The following SUMF1 variants were observed in gnomAD, a reference collection of about 807,000 sequenced individuals.
SUMF1 encodes the protein formylglycine-generating enzyme.
Under a neutral mutation model 47.6 loss-of-function variants are expected in SUMF1, and 48 were observed. The ratio of observed to expected loss-of-function variants is 1.01; its 90% CI spans 0.80 to 1.28. The LOEUF is 1.28. Ranked by LOEUF, SUMF1 falls within the 50% of genes most tolerant of loss-of-function variation. SUMF1 has a pLI of 0.00. For missense variants in SUMF1, 571 were observed against 485.4 expected, an observed-to-expected ratio of 1.18 and a Z score of -1.66; for synonymous variants, 230 against 192.1, an observed-to-expected ratio of 1.20 and a Z score of -1.63.
At chr3:4,115,776 A>G (rs1693408784) in intron 8 of SUMF1, among the ~76,000 whole-genome samples, 1 of 152,104 alleles carries the variant, frequency 6.6e-6, no homozygotes, top group Non-Finnish European at 1.5e-5. Flanking sequence ...CTTATGTTTT[A>G]TTCTCAATAT....
At chr3:4,175,922 C>G (rs1694949897) in intron 8 of SUMF1, among the ~76,000 whole-genome samples, 1 of 151,740 alleles carries the variant, frequency 6.6e-6, no homozygotes, top group Non-Finnish European at 1.5e-5. Flanking sequence ...TTTGATAAAG[C>G]GGAAGAAAGG....
chr3:4,353,327 AC>A (rs1300687556), intron 8 of SUMF1, among the ~76,000 whole-genome samples: 3 of 152,174 alleles, frequency 2.0e-5, no homozygotes, highest in Non-Finnish European at 4.4e-5. Flanking sequence ...ATCTCCGCTC[AC>A]TGCAAACTCC....
chr3:4,428,617 G>A (rs1278309323), intron 3 of SUMF1, among the ~76,000 whole-genome samples: 1 of 152,144 alleles, frequency 6.6e-6, no homozygotes, highest in African/African-American at 2.4e-5. Context: ...GCCTCCCAAA[G>A]TGCTGGGATT....
At chr3:4,379,369 AACACAGAGAAGTCT>A (rs535398029) in intron 7 of SUMF1, among the ~76,000 whole-genome samples, 204 of 152,308 alleles carry the variant, frequency 1.3e-3, no homozygotes, top group Non-Finnish European at 2.3e-3. Flanking sequence ...TGCACAGAGG[AACACAGAGAAGTCT>A]ATGTGGTGAT....
intron 8 of SUMF1, among the ~76,000 whole-genome samples, chr3:4,199,417 ATAAG>A (rs1366986584): frequency 1.3e-5 from 2 of 152,116 alleles, no homozygotes; most frequent in African/African-American, 4.8e-5. Flanking sequence ...TTGAGGTATT[ATAAG>A]TAAGATGAAC....
chr3:4,196,454 G>T (rs1695431974), intron 8 of SUMF1, among the ~76,000 whole-genome samples: 1 of 152,016 alleles, frequency 6.6e-6, no homozygotes, highest in Admixed American at 6.6e-5. Flanking sequence ...TTTCTGGAAG[G>T]AGTTGCAGTC....
chr3:4,415,474 T>C (rs1701682627), intron 6 of SUMF1, among the ~76,000 whole-genome samples: 1 of 152,152 alleles, frequency 6.6e-6, no homozygotes. Context: ...AAAAGTTTTC[T>C]AACCTTTGAC....
chr3:4,163,995 A>G (rs1694642747), intron 8 of SUMF1, among the ~76,000 whole-genome samples: 1 of 152,142 alleles, frequency 6.6e-6, no homozygotes, highest in Non-Finnish European at 1.5e-5. Flanking sequence ...ACCACTGGCT[A>G]TTTGATGAAT....
intron 8 of SUMF1, among the ~76,000 whole-genome samples, chr3:4,151,572 C>T (rs1462709772): frequency 1.4e-5 from 2 of 146,786 alleles, no homozygotes; most frequent in Non-Finnish European, 3.0e-5. Flanking sequence ...CACACACACA[C>T]ACACACACAC....
rs552933733 is a variant in SUMF1, at chr3:4,186,440, T to C, written c.1015-117695A>G. On this transcript the variant is annotated intron_variant and NMD_transcript_variant, in intron 8 of 12. Transcript: ENST00000448413. ...CATACAGTGGCTTATCATAATATGCTCTTTAACCCTACACAAATTCAAATA... is the reference window on the plus strand; with the variant it reads ...CATACAGTGGCTTATCATAATATGCCCTTTAACCCTACACAAATTCAAATA... 9.2e-5 allele frequency among the ~76,000 whole-genome samples: 14 copies of C among 152,240 alleles called. No individual in the cohort carries two copies. The South Asian group carries it at 2.7e-3, about 29-fold the overall frequency.
intron 8 of SUMF1, among the ~76,000 whole-genome samples, chr3:4,304,479 G>C (rs537687771): frequency 6.6e-6 from 1 of 152,298 alleles, no homozygotes; most frequent in African/African-American, 2.4e-5. Context: ...TGGCCTGAGC[G>C]TTACCCAAGG....
At chr3:4,068,240 G>C (rs1695424975) in intron 9 of SUMF1, among the ~76,000 whole-genome samples, 1 of 152,072 alleles carries the variant, frequency 6.6e-6, no homozygotes, top group South Asian at 2.1e-4. Context: ...AATTCAAAGA[G>C]CTTTATTAGC....
rs905469437 is a variant in SUMF1 at position 4,297,159 on chromosome 3, T to G, written c.1014+79171A>C. Among the ~76,000 whole-genome samples, 3 of 152,264 alleles carry G rather than the reference T, an allele frequency of 2.0e-5. No individual in the cohort carries two copies. The South Asian group carries it at 6.2e-4, about 32-fold the overall frequency. Reference sequence around the variant, plus strand: ...GGTGTGCACCTGTAAGCTAAAAACTTGGGCCGAGGCTTTTTAGGAGATCAC... The same window carrying G: ...GGTGTGCACCTGTAAGCTAAAAACTGGGGCCGAGGCTTTTTAGGAGATCAC... On this transcript the variant is annotated intron_variant and NMD_transcript_variant, in intron 8 of 12. Coordinates refer to the SUMF1 transcript ENST00000448413.
intron 8 of SUMF1, among the ~76,000 whole-genome samples, chr3:4,315,824 AAC>A (rs952228401): frequency 6.6e-6 from 1 of 152,112 alleles, no homozygotes; most frequent in African/African-American, 2.4e-5. Flanking sequence ...AGGCAGGCAG[AAC>A]ACTTGAGCTT....
chr3:4,373,937 A>C (rs1700244686), intron 8 of SUMF1, among the ~76,000 whole-genome samples: 1 of 152,222 alleles, frequency 6.6e-6, no homozygotes, highest in Non-Finnish European at 1.5e-5. Flanking sequence ...GCAAAATCAT[A>C]TTATCATCTC....
At chr3:4,213,805 G>C (rs1228667270) in intron 8 of SUMF1, among the ~76,000 whole-genome samples, 2 of 152,240 alleles carry the variant, frequency 1.3e-5, no homozygotes, top group Non-Finnish European at 2.9e-5. Flanking sequence ...GATCAAAAGA[G>C]ACAAAGAAGG....
At chr3:4,441,416 T>C (rs1042027391) in intron 3 of SUMF1, among the ~76,000 whole-genome samples, 9 of 152,200 alleles carry the variant, frequency 5.9e-5, no homozygotes, top group Non-Finnish European at 1.3e-4. Context: ...GTAATAATAA[T>C]ATAAATAAAG....
chr3:4,251,932 T>A (rs1158099039), intron 8 of SUMF1, among the ~76,000 whole-genome samples: 1 of 152,192 alleles, frequency 6.6e-6, no homozygotes, highest in Admixed American at 6.5e-5. Context: ...TTAACAGACC[T>A]ACAGTAGTGT....
chr3:4,109,350 C>T (rs1268399171), intron 8 of SUMF1, among the ~76,000 whole-genome samples: 2 of 152,040 alleles, frequency 1.3e-5, no homozygotes, highest in African/African-American at 2.4e-5. Context: ...CTCTGGCTGC[C>T]CTGAACATTT....
Sources: gnomAD v4.1 joint callset for allele counts (sites outside exome capture counted in the v4.1 genomes callset) on GRCh38, gnomAD v4.1.1 for gene constraint, MANE v1.5 for transcripts, NCBI Gene and HGNC (gene_info 2026-07-23, HGNC 2026-07-21) for gene names.